The following XPO5 variants were observed in gnomAD, a reference collection of about 807,000 sequenced individuals.
XPO5 encodes the protein exportin-5.
XPO5 carries 46 observed loss-of-function variants against 160.6 expected under a neutral mutation model. The observed-to-expected ratio is 0.29, with a 90% CI of 0.23 to 0.37. The LOEUF (loss-of-function observed/expected upper bound fraction) is 0.37, where lower values mean the gene tolerates loss of function less well. Ranked by LOEUF, XPO5 falls within the 10% of genes least tolerant of loss-of-function variation. The pLI is 1.00. For synonymous variants in XPO5, 537 were observed against 519.3 expected (o/e 1.03, Z -0.46); for missense variants, 1,090 against 1,463.9 (o/e 0.74, Z 4.17).
At chr6:43,536,392 G>C (rs529996160) in intron 20 of XPO5, among the ~76,000 whole-genome samples, 1 of 142,602 alleles carries the variant, frequency 7.0e-6, no homozygotes, top group African/African-American at 2.6e-5. Context: ...TCCAGCCTGC[G>C]CAACACAGTG....
intron 12 of XPO5, 81 bp downstream of exon 12, chr6:43,558,420 C>T (rs939394821): frequency 7.6e-7 from 1 of 1,313,122 alleles, no homozygotes; most frequent in Non-Finnish European, 1.0e-6. Context: ...CGTAAAAACC[C>T]CAAACACCAT....
chr6:43,548,441 T>C lies in XPO5; in HGVS notation c.1880A>G (p.Tyr627Cys). Reference protein sequence around the residue: ...QLVLPNFDMLYNHVKQLLSNE... With the variant: ...QLVLPNFDMLCNHVKQLLSNE... ...GGAGAGGAGTTGCTTCACATGGTTATAAAGCATGTCAAAATTGGGCTACAG... is the reference window on the plus strand; with the variant it reads ...GGAGAGGAGTTGCTTCACATGGTTACAAAGCATGTCAAAATTGGGCTACAG... The change falls in exon 18 of 32, where the codon TAT becomes TGT. Residue 627 changes from tyrosine to cysteine, a missense_variant. Around this residue, in one of 3 missense-constraint regions of XPO5, gnomAD observed 810 missense variants for 1,139.0 expected, o/e 0.71. Transcript: ENST00000265351. 1 of 1,577,780 alleles carries C rather than the reference T, an allele frequency of 6.3e-7. No homozygotes were observed. The highest frequency in any genetic ancestry group is 8.6e-7 in the Non-Finnish European group (1 of 1,157,970).
chr6:43,529,185 A>C, intron 23 of XPO5: 1 of 1,460,328 alleles, frequency 6.8e-7, no homozygotes, highest in Non-Finnish European at 9.2e-7. Context: ...AGTAGGAATA[A>C]AAAAATAGGA....
chr6:43,546,281 G>A (rs1484348888), intron 20 of XPO5, among the ~76,000 whole-genome samples: 1 of 151,962 alleles, frequency 6.6e-6, no homozygotes, highest in Non-Finnish European at 1.5e-5. Flanking sequence ...AAACTTACAA[G>A]TAAAAATAGG....
In XPO5 at chr6:43,567,799, A is replaced by G. The variant is rs983066119; in HGVS notation, c.649-445T>C. On this transcript the variant is annotated intron_variant, in intron 6 of 31. Transcript: ENST00000265351. Reference sequence around the variant, plus strand: ...AAAAAAATACAAAAATTAGCCAGGCATGATGGTGTGCATCTATAGTCCCAG... The same window carrying G: ...AAAAAAATACAAAAATTAGCCAGGCGTGATGGTGTGCATCTATAGTCCCAG... Among the ~76,000 whole-genome samples, 4 of 152,132 alleles carry G rather than the reference A, an allele frequency of 2.6e-5. No homozygotes were observed. The East Asian group carries it at 7.7e-4, about 29-fold the overall frequency.
In XPO5 at chr6:43,524,532, T is replaced by G. The variant is rs201491980; in HGVS notation, c.3416A>C (p.Gln1139Pro). 330 of 1,613,862 alleles carry G rather than the reference T, an allele frequency of 2.0e-4. No homozygotes were observed. Among genetic ancestry groups the G allele is most frequent in the South Asian group, 2.7e-4 (25 of 91,088 alleles). Residue 1139 changes from glutamine to proline, a missense_variant, in exon 31 of 32, where the codon CAG becomes CCG. Gln to Pro is a moderately conservative substitution (Grantham distance 76, BLOSUM62 -1). Coordinates refer to ENST00000265351, the MANE Select transcript of XPO5 (RefSeq NM_020750.3). ...FDCKLLNPSL[Q>P]KVADKRRKDQ... ...CTTTCGGCGCTTGTCAGCCACTTTC[T>G]GCAGGGAGGGGTTTAAAAGCTTGCA... is the stretch of plus-strand genomic sequence containing the variant.
At chr6:43,535,760 G>A (rs1364418712) in intron 20 of XPO5, among the ~76,000 whole-genome samples, 2 of 148,064 alleles carry the variant, frequency 1.4e-5, no homozygotes, top group South Asian at 2.1e-4. Flanking sequence ...CTTGCAATGA[G>A]CTGAAATCGC....
chr6:43,564,152 C>T (rs1220152416), intron 8 of XPO5, among the ~76,000 whole-genome samples: 5 of 152,124 alleles, frequency 3.3e-5, no homozygotes, highest in Non-Finnish European at 7.4e-5. Flanking sequence ...GAACTCCTGA[C>T]CTCAGGTGGT....
intron 17 of XPO5, among the ~76,000 whole-genome samples, chr6:43,548,753 T>C (rs1162721301): frequency 6.6e-6 from 1 of 150,892 alleles, no homozygotes; most frequent in East Asian, 1.9e-4. Context: ...TATATCTATA[T>C]ATATATGGAG....
intron 3 of XPO5, 86 bp downstream of exon 3, chr6:43,572,416 CAGTG>C (rs1362333405): frequency 1.6e-6 from 2 of 1,240,116 alleles, no homozygotes; most frequent in Admixed American, 1.7e-5. Flanking sequence ...TATTTAGAAG[CAGTG>C]AATTTTTACA....
chr6:43,529,796 C>G (rs1165240443), intron 23 of XPO5, among the ~76,000 whole-genome samples: 1 of 150,978 alleles, frequency 6.6e-6, no homozygotes, highest in African/African-American at 2.4e-5. Flanking sequence ...TGGTGCGCAT[C>G]TGTGGTCCAG....
At position 43,561,000 on chromosome 6, in the gene XPO5, T is replaced by C; in HGVS notation, c.1019A>G (p.Asp340Gly). Reference sequence around the variant, plus strand: ...GTTTGATGGTGTTTCTACATCAGAATCTGCACCCTGTAGGAGAAGACCACT... The same window carrying C: ...GTTTGATGGTGTTTCTACATCAGAACCTGCACCCTGTAGGAGAAGACCACT... Reference protein sequence around the residue: ...GNQLCALLGADSDVETPSNFG... With the variant: ...GNQLCALLGAGSDVETPSNFG... The change falls in exon 10 of 32, where the codon GAT (aspartate) becomes GGT (glycine). Residue 340 changes from aspartate (D) to glycine (G), a missense_variant. This residue lies in a region of XPO5 where 810 missense variants were observed against 1,139.0 expected (regional missense o/e 0.71). Coordinates refer to ENST00000265351, the MANE Select transcript of XPO5 (RefSeq NM_020750.3). 6.2e-7 allele frequency: 1 copy of C among 1,613,822 alleles called. No homozygotes were observed. Among genetic ancestry groups the C allele is most frequent in the Non-Finnish European group, 8.5e-7 (1 of 1,179,744 alleles).
chr6:43,543,226 G>C (rs2127723270), intron 20 of XPO5, among the ~76,000 whole-genome samples: 1 of 152,264 alleles, frequency 6.6e-6, no homozygotes, highest in African/African-American at 2.4e-5. Flanking sequence ...AGCACTTTGG[G>C]AGGATCTCTT....
At chr6:43,572,429 C>T in intron 3 of XPO5, 77 bp downstream of exon 3, 1 of 1,437,058 alleles carries the variant, frequency 7.0e-7, no homozygotes, top group Admixed American at 1.7e-5. Flanking sequence ...TGAATTTTTA[C>T]ACAAACTCCC....
intron 1 of XPO5, among the ~76,000 whole-genome samples, chr6:43,574,576 G>A (rs1763196246): frequency 6.6e-6 from 1 of 151,806 alleles, no homozygotes; most frequent in Non-Finnish European, 1.5e-5. Context: ...GCCAACAGTA[G>A]CCCTACTAGT....
rs1039371378 is a variant in XPO5, at chr6:43,575,992, G to A, written c.-128C>T. 8 of 847,084 alleles carry A rather than the reference G, an allele frequency of 9.4e-6. No homozygotes were observed. Among genetic ancestry groups the A allele is most frequent in the African/African-American group, 1.7e-5 (1 of 57,168 alleles). The allele number at this position is 847,084 out of a possible 1,614,324, so 52.5% of individuals were successfully genotyped here. ...GCGGCGGGGGTGGGAAGCTGGAGGA[G>A]GAGCGTTAGCAGCAACTCGCGCTGG... On this transcript the variant is annotated 5_prime_UTR_variant, in exon 1 of 32. Transcript: ENST00000265351.
chr6:43,528,660 G>T (rs756106570), intron 24 of XPO5, among the ~76,000 whole-genome samples, 168 bp downstream of exon 24: 10 of 152,112 alleles, frequency 6.6e-5, no homozygotes, highest in Non-Finnish European at 1.3e-4. Context: ...GTTCTTTGGG[G>T]GCTGCTCGAT....
chr6:43,551,163 T>G (rs1582225723), intron 15 of XPO5, 135 bp downstream of exon 15: 3 of 877,902 alleles, frequency 3.4e-6, no homozygotes. Flanking sequence ...GGGTGAGGTG[T>G]GAGGATCCCT....
At chr6:43,524,762 C>A in intron 30 of XPO5, 69 bp downstream of exon 30, 1 of 1,598,422 alleles carries the variant, frequency 6.3e-7, no homozygotes, top group South Asian at 1.1e-5. Context: ...TAGGATAAGG[C>A]CCAAGAGACT....
Sources: allele counts gnomAD v4.1 joint callset (sites outside exome capture counted in the v4.1 genomes callset), GRCh38; gene constraint gnomAD v4.1.1; regional missense constraint gnomAD v4.1.1; transcripts MANE v1.5; gene names NCBI Gene and HGNC (gene_info 2026-07-23, HGNC 2026-07-21).